TBC1D22A: variants seen among roughly 807,000 people sequenced by gnomAD.
The protein encoded by TBC1D22A is TBC1 domain family member 22A, also known as putative GTPase activator.
A neutral mutation model predicts 60.2 loss-of-function variants in TBC1D22A; 38 were observed. The ratio of observed to expected loss-of-function variants is 0.63; its 90% CI spans 0.49 to 0.83. The LOEUF (loss-of-function observed/expected upper bound fraction) is 0.83. Among genes scored for constraint, TBC1D22A ranks in the 40% least tolerant of loss-of-function variants. The pLI is 0.00. For synonymous variants in TBC1D22A, 302 were observed against 281.7 expected, an observed-to-expected ratio of 1.07 and a Z score of -0.72; for missense variants, 628 against 701.0, an observed-to-expected ratio of 0.90 and a Z score of 1.18.
In TBC1D22A at chr22:47,173,637, A is replaced by G; in HGVS notation, c.*11A>G. 3 of 1,613,302 alleles carry G rather than the reference A, an allele frequency of 1.9e-6. No individual in the cohort carries two copies. The highest frequency in any genetic ancestry group is 2.5e-6 in the Non-Finnish European group (3 of 1,179,708). On this transcript the variant is annotated 3_prime_UTR_variant, in exon 13 of 13. Transcript: ENST00000337137. ...CACTACAAGAAATGAGCCCAGGCCC[A>G]CCCGCAGCTGGCCTCACTGTCCCGG...
intron 11 of TBC1D22A, among the ~76,000 whole-genome samples, chr22:47,041,698 C>G (rs1198633342): frequency 6.6e-6 from 1 of 152,242 alleles, no homozygotes; most frequent in African/African-American, 2.4e-5. Flanking sequence ...CGATCCTTGC[C>G]TCGAGAGGCT....
At chr22:46,958,553 T>C (rs1377145117) in intron 8 of TBC1D22A, among the ~76,000 whole-genome samples, 1 of 152,210 alleles carries the variant, frequency 6.6e-6, no homozygotes, top group Non-Finnish European at 1.5e-5. Flanking sequence ...GATGCAGAGT[T>C]AATTCTCCAG....
At chr22:46,844,273 T>C (rs1202645234) in intron 4 of TBC1D22A, among the ~76,000 whole-genome samples, 1 of 152,130 alleles carries the variant, frequency 6.6e-6, no homozygotes, top group Admixed American at 6.6e-5. Context: ...AGTACACCGT[T>C]AACTGCTGTG....
chr22:46,918,129 A>G (rs1175887140), intron 8 of TBC1D22A, among the ~76,000 whole-genome samples: 1 of 152,232 alleles, frequency 6.6e-6, no homozygotes, highest in Non-Finnish European at 1.5e-5. Context: ...AGAACCAGGT[A>G]TGGAACGCAG....
intron 9 of TBC1D22A, among the ~76,000 whole-genome samples, chr22:46,997,431 C>T (rs1281128025): frequency 6.6e-6 from 1 of 152,242 alleles, no homozygotes; most frequent in East Asian, 1.9e-4. Context: ...TCGGGAAATA[C>T]TGGCCTTTCC....
intron 8 of TBC1D22A, among the ~76,000 whole-genome samples, chr22:46,961,398 G>C (rs2073496881): frequency 6.6e-6 from 1 of 152,160 alleles, no homozygotes; most frequent in South Asian, 2.1e-4. Flanking sequence ...CAGCACCTTA[G>C]CTCATAGTGC....
intron 12 of TBC1D22A, among the ~76,000 whole-genome samples, chr22:47,160,233 G>A (rs1034152063): frequency 1.3e-5 from 2 of 152,226 alleles, no homozygotes; most frequent in Non-Finnish European, 2.9e-5. Context: ...CCGCCTGATC[G>A]AGGAGCCAGG....
chr22:46,979,843 A>G (rs1011657731), intron 9 of TBC1D22A, among the ~76,000 whole-genome samples: 2 of 152,152 alleles, frequency 1.3e-5, no homozygotes, highest in Admixed American at 6.5e-5. Flanking sequence ...CAGTTTCAAT[A>G]TAACAGACCC....
intron 4 of TBC1D22A, among the ~76,000 whole-genome samples, chr22:46,846,674 G>A (rs762662828): frequency 6.6e-6 from 1 of 152,134 alleles, no homozygotes; most frequent in Non-Finnish European, 1.5e-5. Context: ...CAGATTCGGC[G>A]GGTATCAAGA....
chr22:46,805,624 C>A (rs1303914834), intron 4 of TBC1D22A, among the ~76,000 whole-genome samples: 2 of 152,312 alleles, frequency 1.3e-5, no homozygotes, highest in African/African-American at 4.8e-5. Context: ...CATGGCCACT[C>A]CTGGTGGTAG....
intron 8 of TBC1D22A, among the ~76,000 whole-genome samples, chr22:46,944,508 C>T (rs2072390270): frequency 6.6e-6 from 1 of 152,196 alleles, no homozygotes; most frequent in Admixed American, 6.5e-5. Flanking sequence ...ACGCCATTCT[C>T]CTGCCTCAGC....
intron 11 of TBC1D22A, among the ~76,000 whole-genome samples, chr22:47,058,372 A>G (rs1005130073): frequency 7.9e-5 from 12 of 152,138 alleles, no homozygotes; most frequent in African/African-American, 2.7e-4. Context: ...GACAGAAGCC[A>G]TCACAGGGCC....
chr22:47,021,663 C>T (rs1187365244), intron 10 of TBC1D22A, among the ~76,000 whole-genome samples: 1 of 152,144 alleles, frequency 6.6e-6, no homozygotes, highest in Non-Finnish European at 1.5e-5. Flanking sequence ...AGAACCCCAC[C>T]TGTAGCCTGG....
At chr22:46,970,154 A>G (rs770569656) in intron 8 of TBC1D22A, among the ~76,000 whole-genome samples, 3 of 151,976 alleles carry the variant, frequency 2.0e-5, no homozygotes, top group Non-Finnish European at 4.4e-5. Context: ...GCATGTCTTC[A>G]TGACCCAGGA....
intron 12 of TBC1D22A, among the ~76,000 whole-genome samples, chr22:47,137,284 G>T (rs947685908): frequency 4.6e-5 from 7 of 152,134 alleles, no homozygotes; most frequent in Admixed American, 2.0e-4. Flanking sequence ...CTCATGCAAA[G>T]AAAAAATATT....
At chr22:46,822,588 GC>G (rs143825280) in intron 4 of TBC1D22A, among the ~76,000 whole-genome samples, 3 of 152,276 alleles carry the variant, frequency 2.0e-5, no homozygotes, top group African/African-American at 7.2e-5. Flanking sequence ...ACTCATGGAG[GC>G]TGGAGAGCAG....
At chr22:47,097,409 A>AT (rs1410713223) in intron 11 of TBC1D22A, among the ~76,000 whole-genome samples, 6 of 152,094 alleles carry the variant, frequency 3.9e-5, no homozygotes, top group Non-Finnish European at 5.9e-5. Context: ...AGGTCAGGAG[A>AT]TCGAGACCAG....
chr22:47,018,898 T>TTCTCCTTTCCTTCCCC (rs139131967), intron 10 of TBC1D22A, among the ~76,000 whole-genome samples: 6,769 of 152,216 alleles, frequency 0.044, 248 homozygotes, highest in African/African-American at 0.093. Flanking sequence ...ACTTAAGCAG[T>TTCTCCTTTCCTTCCCC]TCTCCTTTCC....
intron 4 of TBC1D22A, among the ~76,000 whole-genome samples, chr22:46,829,442 C>T (rs1411528708): frequency 3.3e-5 from 5 of 152,264 alleles, no homozygotes; most frequent in African/African-American, 1.2e-4. Flanking sequence ...TTCCTGTGCT[C>T]CCTGATGCTC....
Sources: allele counts gnomAD v4.1 joint callset (sites outside exome capture counted in the v4.1 genomes callset), GRCh38; gene constraint gnomAD v4.1.1; transcripts MANE v1.5; gene names NCBI Gene and HGNC (gene_info 2026-07-23, HGNC 2026-07-21).